RET: variants seen among roughly 807,000 people sequenced by gnomAD.
RET encodes the protein proto-oncogene tyrosine-protein kinase receptor Ret.
RET carries 19 observed loss-of-function variants against 118.3 expected under a neutral mutation model. The observed-to-expected ratio is 0.16, with a 90% CI of 0.11 to 0.24. The LOEUF (loss-of-function observed/expected upper bound fraction) is 0.24. RET is among the 10% of genes least tolerant of loss of function. RET has a pLI of 1.00. For missense variants in RET, 1,219 were observed against 1,502.1 expected, an observed-to-expected ratio of 0.81 and a Z score of 3.12; for synonymous variants, 597 against 644.1, an observed-to-expected ratio of 0.93 and a Z score of 1.11.
chr10:43,081,310 T>TAGTAACAATAAC (rs553450759), intron 1 of RET, among the ~76,000 whole-genome samples: 6 of 152,072 alleles, frequency 3.9e-5, no homozygotes, highest in African/African-American at 1.4e-4. Context: ...AGTGACTTAA[T>TAGTAACAATAAC]AGTAACAATA....
At chr10:43,102,966 G>C in intron 3 of RET, 1 of 370,502 alleles carries the variant, frequency 2.7e-6, no homozygotes, top group South Asian at 2.2e-5. Flanking sequence ...AAGAGGAGGG[G>C]AACAGACGAG....
chr10:43,108,979 T>C (rs1453440285), intron 5 of RET, 52 bp from the exon 6 acceptor site: 1 of 1,546,792 alleles, frequency 6.5e-7, no homozygotes, highest in Non-Finnish European at 8.9e-7. Context: ...GTGCTACACA[T>C]GAGGAAGCAG....
At position 43,109,102 on chromosome 10, in the gene RET, T is replaced by TCAG. The variant is rs763559646; in HGVS notation, c.1136_1138dup (p.Ser379_Asp380insAla). On this transcript the variant is annotated inframe_insertion, in exon 6 of 20. Coordinates refer to ENST00000355710, the MANE Select transcript of RET (RefSeq NM_020975.6). Reference sequence around the variant, plus strand: ...GCAGCTGGCGGTGCTGGTCAATGACTCAGACTTCCAGGGCCCAGGAGCGGG... The same window carrying TCAG: ...GCAGCTGGCGGTGCTGGTCAATGACTCAGCAGACTTCCAGGGCCCAGGAGCGGG... The TCAG allele has an allele frequency of 6.2e-7, 1 of 1,613,886 alleles. No homozygotes were observed. The highest frequency in any genetic ancestry group is 1.7e-5 in the Admixed American group (1 of 60,024).
intron 4 of RET, among the ~76,000 whole-genome samples, chr10:43,105,556 C>A (rs900433837): frequency 2.0e-5 from 3 of 152,192 alleles, no homozygotes; most frequent in African/African-American, 7.2e-5. Context: ...TGAGTGACCA[C>A]GAGCAGAGCC....
At chr10:43,120,634 G>C (rs145059099) in intron 15 of RET, among the ~76,000 whole-genome samples, 1 of 152,230 alleles carries the variant, frequency 6.6e-6, no homozygotes, top group South Asian at 2.1e-4. Flanking sequence ...GGCTTCTCCC[G>C]CACAGGGGCC....
At position 43,104,944 on chromosome 10, in the gene RET, G is replaced by C; in HGVS notation, c.626-8G>C. On this transcript the variant is annotated splice_region_variant and splice_polypyrimidine_tract_variant and intron_variant, in intron 3 of 19. Coordinates refer to ENST00000355710, the MANE Select transcript of RET (RefSeq NM_020975.6). ...ATCACGCGGGGCCCCTGTCTGCTTG[G>C]TGCGCAGGTGAGGGTCTGCCCTTCC... 1.3e-6 allele frequency: 2 copies of C among 1,557,556 alleles called. No homozygotes were observed. The highest frequency in any genetic ancestry group is 1.7e-6 in the Non-Finnish European group (2 of 1,160,276).
chr10:43,113,669 A>G lies in RET; in HGVS notation c.1873A>G (p.Ile625Val). The change falls in exon 10 of 20, where the codon ATC (isoleucine) becomes GTC (valine). Residue 625 changes from isoleucine (I) to valine (V), a missense_variant. Ile to Val is a conservative substitution (Grantham distance 29). Transcript: ENST00000355710. The stretch of plus-strand genomic sequence containing the variant: ...GAAGTGCTTCTGCGAGCCCGAAGAC[A>G]TCCAGGGTGAGTGGGTGGCGGCCGG... ...EEKCFCEPED[I>V]QDPLCDELCR... 6.2e-7 allele frequency: 1 copy of G among 1,613,226 alleles called. No individual in the cohort carries two copies. The highest frequency in any genetic ancestry group is 8.5e-7 in the Non-Finnish European group (1 of 1,179,870).
chr10:43,117,248 C>T (rs1197893496), intron 12 of RET, among the ~76,000 whole-genome samples: 8 of 152,266 alleles, frequency 5.3e-5, no homozygotes, highest in Non-Finnish European at 8.8e-5. Flanking sequence ...CTGTGAACAG[C>T]CAGGCTGAAT....
intron 1 of RET, among the ~76,000 whole-genome samples, chr10:43,098,622 A>C (rs865933047): frequency 2.0e-5 from 3 of 152,104 alleles, no homozygotes; most frequent in African/African-American, 7.2e-5. Flanking sequence ...GGGTTTCACC[A>C]TGTTGGCTAG....
At chr10:43,108,946 C>G in intron 5 of RET, 85 bp from the exon 6 acceptor site, 1 of 1,335,468 alleles carries the variant, frequency 7.5e-7, no homozygotes, top group South Asian at 1.2e-5. Context: ...AGTGTGAGTG[C>G]AGGGCTGTGT....
intron 1 of RET, among the ~76,000 whole-genome samples, chr10:43,080,036 A>G (rs898150537): frequency 1.3e-5 from 2 of 152,208 alleles, no homozygotes; most frequent in African/African-American, 4.8e-5. Context: ...CAAATGGGGA[A>G]GTGCATTGAG....
Position 43,102,712 on chromosome 10 carries a change from G to T in RET, c.625+83G>T, listed in dbSNP as rs1837670237. On this transcript the variant is annotated intron_variant, in intron 3 of 19. Coordinates refer to ENST00000355710, the MANE Select transcript of RET (RefSeq NM_020975.6). ...GCGAGCCCTTGACACAAGCCATCTG[G>T]TTTATTCTTCACCTTCATGCCATCA... The T allele has an allele frequency of 6.5e-6, 10 of 1,540,436 alleles. No homozygotes were observed. The East Asian group carries it at 2.0e-4, about 31-fold the overall frequency.
chr10:43,126,578 T>G lies in RET; in HGVS notation c.3043T>G (p.Tyr1015Asp). 6 of 1,613,942 alleles carry G rather than the reference T, an allele frequency of 3.7e-6. No homozygotes were observed. Among genetic ancestry groups the G allele is most frequent in the Non-Finnish European group, 5.1e-6 (6 of 1,179,962 alleles). Reference protein sequence around the residue: ...LEKMMVKRRDYLDLAASTPSD... With the variant: ...LEKMMVKRRDDLDLAASTPSD... ...ACCGGCCATCTCTGTCTTCCAGGAC[T>G]ACTTGGACCTTGCGGCGTCCACTCC... The change falls in exon 19 of 20, where the codon TAC becomes GAC. Residue 1015 changes from tyrosine to aspartate, a missense_variant. By Grantham distance (160) the Tyr-to-Asp change is radical (BLOSUM62 -3). Coordinates refer to ENST00000355710, the MANE Select transcript of RET (RefSeq NM_020975.6).
chr10:43,122,231 C>G (rs1838234713), intron 16 of RET, among the ~76,000 whole-genome samples: 1 of 152,172 alleles, frequency 6.6e-6, no homozygotes, highest in Non-Finnish European at 1.5e-5. Flanking sequence ...GGCTGCAGTT[C>G]TGAAAGCTCC....
intron 3 of RET, 179 bp from the exon 4 acceptor site, chr10:43,104,773 C>CGCTGCAA: frequency 1.1e-6 from 1 of 913,750 alleles, no homozygotes; most frequent in Non-Finnish European, 1.6e-6. Flanking sequence ...GCACAGTCAT[C>CGCTGCAA]GCTGCAAACT....
rs886047013 is a variant in RET, at chr10:43,130,066, T to C, written c.*1797T>C. 1 of 398,534 alleles carries C rather than the reference T, an allele frequency of 2.5e-6. No homozygotes were observed. The highest frequency in any genetic ancestry group is 4.4e-6 in the Non-Finnish European group (1 of 226,062). 24.7% of individuals were successfully genotyped at this position (398,534 alleles called of 1,614,324 possible). On this transcript the variant is annotated 3_prime_UTR_variant, in exon 20 of 20. Coordinates refer to ENST00000355710, the MANE Select transcript of RET (RefSeq NM_020975.6). ...CTCCAGGTCTAAACAGCTGACCCAGTGATGGGGAATTTATCCTTGACCAAT... is the reference window on the plus strand; with the variant it reads ...CTCCAGGTCTAAACAGCTGACCCAGCGATGGGGAATTTATCCTTGACCAAT...
At chr10:43,117,659 C>T (rs540156409) in intron 12 of RET, among the ~76,000 whole-genome samples, 1 of 152,362 alleles carries the variant, frequency 6.6e-6, no homozygotes, top group South Asian at 2.1e-4. Context: ...TGGCCACCAT[C>T]GGGACGCATG....
In RET at chr10:43,106,371, T is replaced by C; in HGVS notation, c.868-5T>C. On this transcript the variant is annotated splice_region_variant and splice_polypyrimidine_tract_variant and intron_variant, in intron 4 of 19. Transcript: ENST00000355710. This position sits in a 1 kb window ranked among gnomAD's most constrained non-coding sequence, Gnocchi z 5.1. ...GCACTGACCAACGCCCTCTGCATCC[T>C]GCAGGACACCGTGGTGGCCACGCTG... 6.2e-7 allele frequency: 1 copy of C among 1,609,080 alleles called. No homozygotes were observed. The highest frequency in any genetic ancestry group is 1.3e-5 in the African/African-American group (1 of 75,002).
intron 1 of RET, among the ~76,000 whole-genome samples, chr10:43,084,929 G>A (rs957707880): frequency 6.6e-6 from 1 of 152,202 alleles, no homozygotes; most frequent in African/African-American, 2.4e-5. Context: ...AACCAGGGCC[G>A]CCCTCTCTCG....
Sources: gnomAD v4.1 joint callset for allele counts (sites outside exome capture counted in the v4.1 genomes callset) on GRCh38, gnomAD v4.1.1 for gene constraint, Gnocchi (gnomAD v3.1) non-coding constraint, MANE v1.5 for transcripts, NCBI Gene and HGNC (gene_info 2026-07-23, HGNC 2026-07-21) for gene names.